ITGBL1: variants seen among roughly 807,000 people sequenced by gnomAD.
ITGBL1 encodes the protein integrin subunit beta like 1.
In ITGBL1, 51 loss-of-function variants were observed where a neutral mutation model predicts 68.5. The ratio of observed to expected loss-of-function variants is 0.74; its 90% CI spans 0.59 to 0.94. The LOEUF (loss-of-function observed/expected upper bound fraction) is 0.94. Among genes scored for constraint, ITGBL1 ranks in the 40% least tolerant of loss-of-function variants. The pLI, the probability that ITGBL1 is intolerant of heterozygous loss-of-function variation, is 0.00. For missense variants in ITGBL1, 649 were observed against 647.4 expected (o/e 1.00, Z -0.03); for synonymous variants, 209 against 227.3 (o/e 0.92, Z 0.72).
intron 7 of ITGBL1, among the ~76,000 whole-genome samples, chr13:101,655,258 C>T (rs1468031564): frequency 6.6e-6 from 1 of 152,162 alleles, no homozygotes; most frequent in Non-Finnish European, 1.5e-5. Flanking sequence ...ATTGATGGCA[C>T]AGAATGGATG....
At chr13:101,649,182 T>A (rs1421103851) in intron 7 of ITGBL1, among the ~76,000 whole-genome samples, 1 of 152,222 alleles carries the variant, frequency 6.6e-6, no homozygotes, top group East Asian at 1.9e-4. Context: ...TCAATTTTTA[T>A]TGAAATTTAA....
At chr13:101,718,248 G>A (rs530530626), downstream of ITGBL1, 2 of 152,188 alleles carry the variant, frequency 1.3e-5, no homozygotes, top group Admixed American at 6.5e-5. Flanking sequence ...GTGTGTGTAT[G>A]TGTGGTTTTG....
At chr13:101,654,232 GC>G (rs2032850667) in intron 7 of ITGBL1, among the ~76,000 whole-genome samples, 1 of 152,118 alleles carries the variant, frequency 6.6e-6, no homozygotes, top group Non-Finnish European at 1.5e-5. Flanking sequence ...ACCATGCAGG[GC>G]CCTGAAGTCC....
At chr13:101,495,725 G>A (rs894605692) in intron 2 of ITGBL1, among the ~76,000 whole-genome samples, 1 of 152,042 alleles carries the variant, frequency 6.6e-6, no homozygotes, top group Non-Finnish European at 1.5e-5. Flanking sequence ...GAAGATTAAG[G>A]GGGGGTCTTT....
intron 6 of ITGBL1, among the ~76,000 whole-genome samples, chr13:101,592,076 T>C (rs1269409018): frequency 6.6e-6 from 1 of 152,192 alleles, no homozygotes; most frequent in Non-Finnish European, 1.5e-5. Flanking sequence ...AGCCCCACTC[T>C]GTAGGAAGCA....
At chr13:101,591,794 A>T (rs2050659523) in intron 6 of ITGBL1, among the ~76,000 whole-genome samples, 1 of 152,140 alleles carries the variant, frequency 6.6e-6, no homozygotes, top group Admixed American at 6.5e-5. Context: ...AAAATTCTTC[A>T]TGCATTTTTG....
chr13:101,596,864 G>A (rs1226706128), intron 6 of ITGBL1, among the ~76,000 whole-genome samples: 1 of 152,094 alleles, frequency 6.6e-6, no homozygotes, highest in Non-Finnish European at 1.5e-5. Flanking sequence ...TTAAGGAAAA[G>A]GCAAAATTAT....
At chr13:101,459,481 C>T (rs1223369960) in intron 2 of ITGBL1, among the ~76,000 whole-genome samples, 2 of 152,178 alleles carry the variant, frequency 1.3e-5, no homozygotes. Flanking sequence ...GTGGCTCACA[C>T]CTGTAATCCC....
chr13:101,567,553 A>G (rs186543183), intron 2 of ITGBL1, 146 bp from the exon 3 acceptor site: 192 of 581,918 alleles, frequency 3.3e-4, no homozygotes, highest in Non-Finnish European at 4.4e-4. Context: ...ATATAATAGC[A>G]TTACCCCTCA....
chr13:101,502,162 TAA>T (rs1234474977), intron 2 of ITGBL1, among the ~76,000 whole-genome samples: 2 of 152,296 alleles, frequency 1.3e-5, no homozygotes, highest in African/African-American at 4.8e-5. Context: ...GCTTAAACCT[TAA>T]GTCTTTAATT....
intron 2 of ITGBL1, among the ~76,000 whole-genome samples, chr13:101,552,081 A>G (rs1396705209): frequency 6.6e-6 from 1 of 152,192 alleles, no homozygotes; most frequent in Non-Finnish European, 1.5e-5. Flanking sequence ...AATGGCTTCA[A>G]AACAGCTGTG....
chr13:101,499,462 A>G (rs1038530240), intron 2 of ITGBL1, among the ~76,000 whole-genome samples: 1 of 152,152 alleles, frequency 6.6e-6, no homozygotes, highest in Non-Finnish European at 1.5e-5. Context: ...AGAAGTTTTT[A>G]TGGTTTTATA....
chr13:101,703,977 G>A (rs920453373), intron 8 of ITGBL1, among the ~76,000 whole-genome samples: 1 of 152,164 alleles, frequency 6.6e-6, no homozygotes, highest in Non-Finnish European at 1.5e-5. Flanking sequence ...GATCATCTGA[G>A]TGCAGGACTA....
chr13:101,631,317 A>T (rs2139409059), intron 7 of ITGBL1, among the ~76,000 whole-genome samples: 1 of 151,892 alleles, frequency 6.6e-6, no homozygotes, highest in East Asian at 1.9e-4. Flanking sequence ...AATTTATTTG[A>T]TTTTCTATTT....
At chr13:101,483,335 A>G (rs560933333) in intron 2 of ITGBL1, among the ~76,000 whole-genome samples, 3 of 152,324 alleles carry the variant, frequency 2.0e-5, no homozygotes, top group South Asian at 2.1e-4. Flanking sequence ...CAAGGTTGCA[A>G]TTAATTTAGT....
chr13:101,542,610 T>A lies in ITGBL1; in HGVS notation c.317-25089T>A, dbSNP rs181341612. ...AGCTGATTTCAATTCCTGGATATCC[T>A]TGTTAACTTTCTGTCTCGTTGATCT... On this transcript the variant is annotated intron_variant, in intron 2 of 10. Coordinates refer to ENST00000376180, the MANE Select transcript of ITGBL1 (RefSeq NM_004791.3). Among the ~76,000 whole-genome samples the A allele has an allele frequency of 2.4e-3, 358 of 152,306 alleles. 2 individuals are homozygous for A. The highest frequency in any genetic ancestry group is 0.014 in the Middle Eastern group (4 of 294).
At chr13:101,637,155 A>G (rs1373768880) in intron 7 of ITGBL1, among the ~76,000 whole-genome samples, 1 of 152,184 alleles carries the variant, frequency 6.6e-6, no homozygotes, top group Non-Finnish European at 1.5e-5. Context: ...CCATATGTGT[A>G]GGCACTTTCA....
At chr13:101,543,655 T>C (rs1165374262) in intron 2 of ITGBL1, among the ~76,000 whole-genome samples, 1 of 152,208 alleles carries the variant, frequency 6.6e-6, no homozygotes, top group Non-Finnish European at 1.5e-5. Flanking sequence ...CAGAGTGTTT[T>C]CCAACTTGGT....
Position 101,714,445 on chromosome 13 carries a change from T to A in ITGBL1, c.1287T>A (p.Cys429Ter). 1 of 1,596,358 alleles carries A rather than the reference T, an allele frequency of 6.3e-7. No homozygotes were observed. The highest frequency in any genetic ancestry group is 8.6e-7 in the Non-Finnish European group (1 of 1,164,044). The change falls in exon 10 of 11, where the codon TGT becomes TGA. Residue 429 changes from cysteine to a stop codon, truncating the protein, a stop_gained. Coordinates refer to ENST00000376180, the MANE Select transcript of ITGBL1 (RefSeq NM_004791.3). LOFTEE classifies it high-confidence loss of function. ...TAGCCTTTGTAATTTCAGGTTCTTG[T>A]CATTGTGGGAAGTGCATTTGTTCTG... is the stretch of plus-strand genomic sequence containing the variant. The part of the protein sequence containing the change: ...DGILCSGKGS[C>*]HCGKCICSAE...
Sources: gnomAD v4.1 joint callset for allele counts (sites outside exome capture counted in the v4.1 genomes callset) on GRCh38, gnomAD v4.1.1 for gene constraint, MANE v1.5 for transcripts, NCBI Gene and HGNC (gene_info 2026-07-23, HGNC 2026-07-21) for gene names.